FBXW7: variants seen among roughly 807,000 people sequenced by gnomAD.
The protein encoded by FBXW7 is F-box and WD repeat domain containing 7.
A neutral mutation model predicts 86.3 loss-of-function variants in FBXW7; 11 were observed. The observed-to-expected ratio is 0.13, with a 90% CI of 0.08 to 0.21. The LOEUF (loss-of-function observed/expected upper bound fraction) is 0.21. FBXW7 is among the 10% of genes least tolerant of loss of function. The probability of loss-of-function intolerance (pLI) is 1.00; values close to 1 mark genes in which losing one functional copy is unlikely to be tolerated. For synonymous variants in FBXW7, 313 were observed against 297.9 expected (o/e 1.05, Z -0.52); for missense variants, 488 against 847.4 (o/e 0.58, Z 5.27).
At chr4:152,472,756 T>C (rs906609828) in intron 2 of FBXW7, among the ~76,000 whole-genome samples, 2 of 152,164 alleles carry the variant, frequency 1.3e-5, no homozygotes, top group Non-Finnish European at 2.9e-5. Flanking sequence ...TCATATATAC[T>C]TTGTGTATGT....
intron 6 of FBXW7, 53 bp from the exon 7 acceptor site, chr4:152,337,989 A>G (rs2126587020): frequency 1.3e-6 from 2 of 1,530,652 alleles, no homozygotes; most frequent in Non-Finnish European, 1.8e-6. Flanking sequence ...CCCAAATTAC[A>G]GGCTTATAAA....
chr4:152,491,864 T>A (rs2149685656), intron 2 of FBXW7, among the ~76,000 whole-genome samples: 1 of 152,306 alleles, frequency 6.6e-6, no homozygotes, highest in East Asian at 1.9e-4. Flanking sequence ...CCTAACTCAA[T>A]TATTTCTATA....
At chr4:152,470,224 A>G (rs1288457767) in intron 2 of FBXW7, among the ~76,000 whole-genome samples, 3 of 152,128 alleles carry the variant, frequency 2.0e-5, no homozygotes, top group African/African-American at 7.2e-5. Context: ...AATGAATTAT[A>G]AAGACATTGG....
At chr4:152,502,404 TTAAC>T (rs1181336540) in intron 2 of FBXW7, among the ~76,000 whole-genome samples, 5 of 152,142 alleles carry the variant, frequency 3.3e-5, no homozygotes, top group Non-Finnish European at 5.9e-5. Flanking sequence ...TCAGTAAAAA[TTAAC>T]TAATTTACAG....
intron 4 of FBXW7, among the ~76,000 whole-genome samples, chr4:152,384,535 AG>A (rs1434459029): frequency 6.6e-6 from 1 of 151,650 alleles, no homozygotes; most frequent in Non-Finnish European, 1.5e-5. Flanking sequence ...GGGAAATGAG[AG>A]TTAGTGTTTA....
intron 2 of FBXW7, among the ~76,000 whole-genome samples, chr4:152,491,512 C>T (rs530734601): frequency 6.6e-6 from 1 of 152,110 alleles, no homozygotes; most frequent in South Asian, 2.1e-4. Flanking sequence ...AGGCTTTCCC[C>T]CATGGACGTG....
chr4:152,423,957 T>A (rs1234232973), intron 2 of FBXW7, among the ~76,000 whole-genome samples: 1 of 152,138 alleles, frequency 6.6e-6, no homozygotes, highest in Admixed American at 6.5e-5. Context: ...GGTCAAAAAG[T>A]GAACAATTAT....
intron 4 of FBXW7, among the ~76,000 whole-genome samples, chr4:152,376,810 C>T (rs138294554): frequency 6.6e-6 from 1 of 151,978 alleles, no homozygotes; most frequent in Admixed American, 6.5e-5. Flanking sequence ...TGCCTGACCC[C>T]AGACCCTGAA....
At chr4:152,515,599 C>T (rs1046875870) in intron 2 of FBXW7, among the ~76,000 whole-genome samples, 5 of 152,222 alleles carry the variant, frequency 3.3e-5, no homozygotes, top group South Asian at 4.1e-4. Context: ...TAAGAAGTCA[C>T]GCTTACTTCT....
intron 2 of FBXW7, among the ~76,000 whole-genome samples, chr4:152,426,665 G>A (rs540271764): frequency 2.0e-5 from 3 of 152,216 alleles, no homozygotes; most frequent in South Asian, 2.1e-4. Flanking sequence ...ATAACCGGCC[G>A]CCCAGCAGAT....
At position 152,496,581 on chromosome 4, in the gene FBXW7, C is replaced by T. The variant is rs890517608; in HGVS notation, c.-120+38360G>A. On this transcript the variant is annotated intron_variant, in intron 2 of 13. Transcript: ENST00000281708. ...TAATCCCAGCTACTGGGGAGGCTGA[C>T]GCAGCAAAATCACTCGAAACAGGGA... Among the ~76,000 whole-genome samples the T allele has an allele frequency of 8.6e-5, 13 of 151,238 alleles. No individual in the cohort carries two copies. The South Asian group carries it at 1.3e-3, about 15-fold the overall frequency.
intron 12 of FBXW7, 123 bp downstream of exon 12, chr4:152,325,880 ACAG>A (rs1728970472): frequency 7.7e-6 from 5 of 652,388 alleles, no homozygotes; most frequent in Non-Finnish European, 1.0e-5. Flanking sequence ...GTATATAAAA[ACAG>A]CAGAATAATC....
intron 2 of FBXW7, among the ~76,000 whole-genome samples, chr4:152,492,829 T>C (rs1048673666): frequency 1.3e-5 from 2 of 151,914 alleles, no homozygotes; most frequent in Admixed American, 6.6e-5. Context: ...TCAAATCACA[T>C]GGATGGGGAT....
At chr4:152,324,763 C>G in intron 12 of FBXW7, 1 of 199,146 alleles carries the variant, frequency 5.0e-6, no homozygotes, top group South Asian at 9.3e-5. Context: ...TTACTTCCCA[C>G]TAGGAAGCTG....
intron 2 of FBXW7, among the ~76,000 whole-genome samples, chr4:152,449,920 C>T (rs1191726964): frequency 3.3e-5 from 5 of 152,180 alleles, no homozygotes; most frequent in Non-Finnish European, 7.3e-5. Flanking sequence ...CATTCATAGA[C>T]CAATGATTGC....
At position 152,373,903 on chromosome 4, in the gene FBXW7, T is replaced by C. The variant is rs368502547; in HGVS notation, c.502-23779A>G. Among the ~76,000 whole-genome samples the C allele has an allele frequency of 1.5e-4, 23 of 152,186 alleles. No homozygotes were observed. The East Asian group carries it at 2.9e-3, about 19-fold the overall frequency. Reference sequence around the variant, plus strand: ...AAAGAAAACCGACAATTACATTGCTTACTCATGTTGATGCATGATGTGTGA... The same window carrying C: ...AAAGAAAACCGACAATTACATTGCTCACTCATGTTGATGCATGATGTGTGA... On this transcript the variant is annotated intron_variant, in intron 4 of 13. Transcript: ENST00000281708.
intron 2 of FBXW7, among the ~76,000 whole-genome samples, chr4:152,459,745 GT>G (rs1714557888): frequency 6.6e-6 from 1 of 152,088 alleles, no homozygotes. Context: ...ATTGGGCAAA[GT>G]AAAAGATTAA....
At chr4:152,460,517 G>C (rs1046907975) in intron 2 of FBXW7, among the ~76,000 whole-genome samples, 1 of 152,138 alleles carries the variant, frequency 6.6e-6, no homozygotes, top group Non-Finnish European at 1.5e-5. Context: ...TGGCTGGCTG[G>C]TGAAAATTTC....
chr4:152,443,396 G>A (rs1027115618), intron 2 of FBXW7, among the ~76,000 whole-genome samples: 7 of 151,968 alleles, frequency 4.6e-5, no homozygotes, highest in African/African-American at 1.7e-4. Flanking sequence ...TATGAAAGTG[G>A]GAGAAACATT....
Sources: allele counts gnomAD v4.1 joint callset (sites outside exome capture counted in the v4.1 genomes callset), GRCh38; gene constraint gnomAD v4.1.1; transcripts MANE v1.5; gene names NCBI Gene and HGNC (gene_info 2026-07-23, HGNC 2026-07-21).